XPO7: variants seen among roughly 807,000 people sequenced by gnomAD.
XPO7 encodes the protein exportin 7.
XPO7 carries 21 observed loss-of-function variants against 144.3 expected under a neutral mutation model. The ratio of observed to expected loss-of-function variants is 0.15; its 90% CI spans 0.10 to 0.21. XPO7 has a LOEUF of 0.21. Ranked by LOEUF, XPO7 falls within the 10% of genes least tolerant of loss-of-function variation. XPO7 has a pLI of 1.00. For synonymous variants in XPO7, 580 were observed against 499.6 expected (o/e 1.16, Z -2.15); for missense variants, 808 against 1,325.8 (o/e 0.61, Z 6.06).
rs1174050553 is a variant in XPO7, at chr8:21,995,614, G to C, written c.2345+15G>C. ...GTTCATAATAGGTAAGCAGGAGGCA[G>C]AGCTTGCAAGGGCACATCTGCCCTG... On this transcript the variant is annotated intron_variant, in intron 21 of 27. Coordinates refer to ENST00000252512, the MANE Select transcript of XPO7 (RefSeq NM_015024.5). 7 of 1,568,006 alleles carry C rather than the reference G, an allele frequency of 4.5e-6. No individual in the cohort carries two copies. The highest frequency in any genetic ancestry group is 1.3e-5 in the African/African-American group (1 of 74,138).
Position 22,003,982 on chromosome 8 carries a change from A to C in XPO7, c.3122A>C (p.Asn1041Thr). ...KQQAMHLCFENLMEGIERNLL... is the reference protein window; with the variant it reads ...KQQAMHLCFETLMEGIERNLL... Reference sequence around the variant, plus strand: ...CAGGCCATGCACCTGTGTTTTGAGAACCTGATGGAAGGCATCGAGCGAAAT... The same window carrying C: ...CAGGCCATGCACCTGTGTTTTGAGACCCTGATGGAAGGCATCGAGCGAAAT... The change falls in exon 27 of 28, where the codon AAC becomes ACC. Residue 1041 changes from asparagine (N) to threonine (T), a missense_variant. By Grantham distance (65) the Asn-to-Thr change is moderately conservative (BLOSUM62 0). Transcript: ENST00000252512. 3 of 1,613,920 alleles carry C rather than the reference A, an allele frequency of 1.9e-6. No homozygotes were observed. Among genetic ancestry groups the C allele is most frequent in the Non-Finnish European group, 2.5e-6 (3 of 1,179,864 alleles).
intron 4 of XPO7, among the ~76,000 whole-genome samples, chr8:21,971,331 A>G (rs1812057321): frequency 6.6e-6 from 1 of 152,266 alleles, no homozygotes; most frequent in African/African-American, 2.4e-5. Flanking sequence ...AACAGTTGAT[A>G]AGAGGACCTG....
chr8:21,974,602 GA>G, intron 5 of XPO7, 67 bp from the exon 6 acceptor site: 3 of 1,046,878 alleles, frequency 2.9e-6, no homozygotes, highest in Middle Eastern at 2.1e-4. Context: ...TAGCTTATAG[GA>G]AGTCTACATG....
chr8:21,990,863 T>C lies in XPO7; in HGVS notation c.1985T>C (p.Met662Thr), dbSNP rs771990922. The change falls in exon 18 of 28, where the codon ATG (methionine) becomes ACG (threonine). Residue 662 changes from methionine (M) to threonine (T), a missense_variant. Physicochemically the swap from Met to Thr is moderately conservative, Grantham distance 81 (BLOSUM62 -1). Around this residue, in one of 5 missense-constraint regions of XPO7, gnomAD observed 416 missense variants for 612.5 expected, o/e 0.68. Transcript: ENST00000252512. The part of the protein sequence containing the change: ...GINNQSNLTD[M>T]RCRTTFYTAL... ...AACAATCAGTCCAACCTGACAGACA[T>C]GCGGTGTCGGACTACCTTCTACACA... The C allele has an allele frequency of 2.5e-6, 4 of 1,613,992 alleles. No homozygotes were observed. The highest frequency in any genetic ancestry group is 4.5e-5 in the East Asian group (2 of 44,880).
chr8:21,988,859 C>CT, intron 15 of XPO7, 144 bp from the exon 16 acceptor site: 3 of 665,992 alleles, frequency 4.5e-6, no homozygotes, highest in Non-Finnish European at 5.1e-6. Context: ...TCCTACCCAT[C>CT]TTTTTTTGTG....
At chr8:21,943,245 C>T (rs1475773787) in intron 1 of XPO7, among the ~76,000 whole-genome samples, 1 of 152,152 alleles carries the variant, frequency 6.6e-6, no homozygotes, top group African/African-American at 2.4e-5. Context: ...AAAATGACTT[C>T]TTGGATTTTT....
intron 1 of XPO7, among the ~76,000 whole-genome samples, chr8:21,925,428 C>T (rs191425223): frequency 7.9e-5 from 12 of 152,218 alleles, no homozygotes; most frequent in Admixed American, 5.9e-4. Flanking sequence ...AATGTAACAT[C>T]GGTATAGAGA....
chr8:22,004,897 A>C, intron 27 of XPO7, 98 bp from the exon 28 acceptor site: 1 of 656,466 alleles, frequency 1.5e-6, no homozygotes, highest in Non-Finnish European at 2.5e-6. Flanking sequence ...CCATCAATTC[A>C]TACATTCTAC....
intron 13 of XPO7, 143 bp downstream of exon 13, chr8:21,985,834 T>G: frequency 1.5e-6 from 1 of 659,788 alleles, no homozygotes. Flanking sequence ...GTAAGTGCCA[T>G]GATAACTCTG....
At chr8:21,986,135 CT>C (rs573860240) in intron 13 of XPO7, among the ~76,000 whole-genome samples, 3,870 of 132,228 alleles carry the variant, frequency 0.029, 45 homozygotes, top group African/African-American at 0.066. Flanking sequence ...TTTATCAAAA[CT>C]TTTTTTTTTT....
At chr8:21,987,890 C>G in intron 15 of XPO7, 33 bp downstream of exon 15, 1 of 1,604,060 alleles carries the variant, frequency 6.2e-7, no homozygotes. Flanking sequence ...AGCAAGAGTC[C>G]TTTGCACTCC....
intron 15 of XPO7, chr8:21,988,273 GGGC>G (rs1812647079): frequency 5.5e-6 from 1 of 180,924 alleles, no homozygotes; most frequent in Non-Finnish European, 1.2e-5. Flanking sequence ...ACTTAAAAAT[GGGC>G]TTATTCCTCC....
At chr8:21,967,035 CA>C (rs768720172) in intron 2 of XPO7, 32 bp downstream of exon 2, 2 of 1,601,556 alleles carry the variant, frequency 1.2e-6, no homozygotes, top group African/African-American at 2.7e-5. Flanking sequence ...TAAAGGATAA[CA>C]GGCGCTTCGG....
At chr8:21,967,324 GTGTT>G (rs1457921244) in intron 2 of XPO7, among the ~76,000 whole-genome samples, 1 of 152,070 alleles carries the variant, frequency 6.6e-6, no homozygotes, top group Non-Finnish European at 1.5e-5. Flanking sequence ...AATGACCTTT[GTGTT>G]TGTTTATTTA....
chr8:21,926,346 A>G (rs952621417), intron 1 of XPO7, among the ~76,000 whole-genome samples: 2 of 152,146 alleles, frequency 1.3e-5, no homozygotes, highest in African/African-American at 4.8e-5. Flanking sequence ...AAATTATGAT[A>G]TTTACAATGT....
chr8:22,005,225 A>T lies in XPO7; in HGVS notation c.*137A>T. 1 of 618,942 alleles carries T rather than the reference A, an allele frequency of 1.6e-6. No homozygotes were observed. The highest frequency in any genetic ancestry group is 2.7e-6 in the Non-Finnish European group (1 of 372,212). The allele number at this position is 618,942 out of a possible 1,614,324, so 38.3% of individuals were successfully genotyped here. On this transcript the variant is annotated 3_prime_UTR_variant, in exon 28 of 28. Transcript: ENST00000252512. ...GTGGGGAAAATGGCAAAGGTCAACT[A>T]GCTGCTTCCCCAGGGAATAGGGGTG...
chr8:21,982,520 C>A, intron 10 of XPO7, 120 bp from the exon 11 acceptor site: 1 of 1,213,562 alleles, frequency 8.2e-7, no homozygotes, highest in South Asian at 1.7e-5. Context: ...ACAAAGCCCA[C>A]AAAAGTCTAT....
At chr8:21,943,070 T>A (rs1443809620) in intron 1 of XPO7, among the ~76,000 whole-genome samples, 3 of 152,188 alleles carry the variant, frequency 2.0e-5, no homozygotes, top group African/African-American at 7.2e-5. Flanking sequence ...ATAAATAATG[T>A]CTTGGTATTG....
intron 1 of XPO7, among the ~76,000 whole-genome samples, chr8:21,940,933 A>G (rs1040661092): frequency 2.0e-5 from 3 of 152,142 alleles, no homozygotes; most frequent in East Asian, 1.9e-4. Flanking sequence ...TATACCAAGC[A>G]TATGTAATCA....
Sources: allele counts gnomAD v4.1 joint callset (sites outside exome capture counted in the v4.1 genomes callset), GRCh38; gene constraint gnomAD v4.1.1; regional missense constraint gnomAD v4.1.1; transcripts MANE v1.5; gene names NCBI Gene and HGNC (gene_info 2026-07-23, HGNC 2026-07-21).